The following SLC25A26 variants were observed in gnomAD, a reference collection of about 807,000 sequenced individuals.
The protein encoded by SLC25A26 is mitochondrial S-adenosylmethionine carrier protein.
Under a neutral mutation model 37.8 loss-of-function variants are expected in SLC25A26, and 36 were observed. The observed-to-expected ratio is 0.95, with a 90% CI of 0.73 to 1.26. SLC25A26 has a LOEUF of 1.26. Ranked by LOEUF, SLC25A26 falls within the 50% of genes most tolerant of loss-of-function variation. The pLI, the probability that SLC25A26 is intolerant of heterozygous loss-of-function variation, is 0.00. For missense variants in SLC25A26, 390 were observed against 331.1 expected (o/e 1.18, Z -1.38); for synonymous variants, 129 against 122.5 (o/e 1.05, Z -0.35).
intron 5 of SLC25A26, among the ~76,000 whole-genome samples, chr3:66,270,646 A>G (rs2073926784): frequency 6.6e-6 from 1 of 152,194 alleles, no homozygotes; most frequent in Non-Finnish European, 1.5e-5. Context: ...ACATTATTAT[A>G]ACTTTACCGT....
chr3:66,134,629 T>C (rs1019419017), intron 1 of SLC25A26, among the ~76,000 whole-genome samples: 1 of 152,148 alleles, frequency 6.6e-6, no homozygotes, highest in Non-Finnish European at 1.5e-5. Context: ...AAACAGTACT[T>C]TTTGTTATTG....
chr3:66,175,118 TATATATATATATATATATATATAC>T (rs2070561162), intron 1 of SLC25A26, among the ~76,000 whole-genome samples: 2 of 84,228 alleles, frequency 2.4e-5, no homozygotes, highest in African/African-American at 4.8e-5. Context: ...TGTATATATA[TATATATATATATATATATATATAC>T]ACACACACAC....
At chr3:66,308,142 G>GT (rs1379248943) in intron 5 of SLC25A26, among the ~76,000 whole-genome samples, 4 of 152,140 alleles carry the variant, frequency 2.6e-5, no homozygotes, top group Admixed American at 1.3e-4. Context: ...AGCATGGAGT[G>GT]TTTTTCCATT....
At chr3:66,276,493 A>G (rs1024417468) in intron 5 of SLC25A26, among the ~76,000 whole-genome samples, 1 of 152,128 alleles carries the variant, frequency 6.6e-6, no homozygotes, top group African/African-American at 2.4e-5. Context: ...AGGATTCTAA[A>G]GGATAGAAAT....
intron 1 of SLC25A26, among the ~76,000 whole-genome samples, chr3:66,186,782 C>T (rs1399990604): frequency 6.6e-6 from 1 of 151,984 alleles, no homozygotes; most frequent in African/African-American, 2.4e-5. Flanking sequence ...TGACACTCAA[C>T]CTGACTTTGA....
intron 1 of SLC25A26, among the ~76,000 whole-genome samples, chr3:66,188,040 C>T (rs2070864051): frequency 6.6e-6 from 1 of 152,108 alleles, no homozygotes; most frequent in African/African-American, 2.4e-5. Flanking sequence ...ACCCTATCCT[C>T]ATGATCATCT....
chr3:66,304,374 C>G (rs1559677902), intron 5 of SLC25A26: 2 of 453,206 alleles, frequency 4.4e-6, no homozygotes. Flanking sequence ...CATATCTAAG[C>G]TAATATCTTC....
chr3:66,346,418 T>C lies in SLC25A26; in HGVS notation c.498+10T>C. The C allele has an allele frequency of 2.1e-6, 3 of 1,436,058 alleles. No homozygotes were observed. Among genetic ancestry groups the C allele is most frequent in the Non-Finnish European group, 2.8e-6 (3 of 1,068,452 alleles). 89.0% of individuals were successfully genotyped at this position (1,436,058 alleles called of 1,614,324 possible). A position where few individuals can be genotyped will look rare whatever the true frequency, so the allele number is the denominator to read the frequency against. On this transcript the variant is annotated intron_variant, in intron 6 of 9. Coordinates refer to ENST00000354883, the MANE Select transcript of SLC25A26 (RefSeq NM_001379210.1). ...ATGGGAGTCCTTAAAAGTAAGTTTC[T>C]CAGTCTTCACATAAAATTTGTCTCT...
At chr3:66,174,853 A>G (rs988000322) in intron 1 of SLC25A26, among the ~76,000 whole-genome samples, 1 of 151,488 alleles carries the variant, frequency 6.6e-6, no homozygotes, top group African/African-American at 2.4e-5. Flanking sequence ...AAATATTGCT[A>G]TGCAGAGGAT....
At chr3:66,323,467 G>A (rs1387803470) in intron 5 of SLC25A26, among the ~76,000 whole-genome samples, 1 of 152,168 alleles carries the variant, frequency 6.6e-6, no homozygotes, top group East Asian at 1.9e-4. Flanking sequence ...CATAGAGCTG[G>A]GTAAATGGGA....
chr3:66,310,271 T>C (rs1049335083), intron 5 of SLC25A26, among the ~76,000 whole-genome samples: 10 of 152,234 alleles, frequency 6.6e-5, no homozygotes, highest in Non-Finnish European at 1.5e-4. Flanking sequence ...CTTTGTCTTT[T>C]TTGATGTTTG....
At chr3:66,177,869 G>T (rs1241844559) in intron 1 of SLC25A26, among the ~76,000 whole-genome samples, 1 of 152,190 alleles carries the variant, frequency 6.6e-6, no homozygotes, top group Non-Finnish European at 1.5e-5. Context: ...CACCCAGAAA[G>T]GTGTTGACTT....
intron 5 of SLC25A26, among the ~76,000 whole-genome samples, chr3:66,337,955 T>C (rs1182630163): frequency 6.6e-6 from 1 of 152,082 alleles, no homozygotes; most frequent in Admixed American, 6.5e-5. Context: ...ATGTACACTT[T>C]TGACAAATGT....
intron 1 of SLC25A26, among the ~76,000 whole-genome samples, chr3:66,163,323 G>T (rs1427047735): frequency 2.0e-5 from 3 of 152,146 alleles, no homozygotes; most frequent in African/African-American, 7.2e-5. Flanking sequence ...AGATAGACGT[G>T]TTGCAGAGAA....
At chr3:66,198,205 C>T (rs1219759301) in intron 1 of SLC25A26, among the ~76,000 whole-genome samples, 1 of 151,958 alleles carries the variant, frequency 6.6e-6, no homozygotes, top group Non-Finnish European at 1.5e-5. Flanking sequence ...AGGGTGTTTT[C>T]AGAACAGGAT....
intron 1 of SLC25A26, among the ~76,000 whole-genome samples, chr3:66,212,764 T>C (rs879125224): frequency 0.03 from 4,499 of 152,276 alleles, 255 homozygotes; most frequent in Admixed American, 0.14. Flanking sequence ...CTGGCTTATT[T>C]TGCTTAGCAT....
chr3:66,170,788 A>ATTGTT (rs1482297520), intron 1 of SLC25A26, among the ~76,000 whole-genome samples: 1 of 56,426 alleles, frequency 1.8e-5, no homozygotes, highest in African/African-American at 6.8e-5. Context: ...AGATGTGATT[A>ATTGTT]TTGTTTTTTT....
At chr3:66,136,520 T>A (rs189479340) in intron 1 of SLC25A26, among the ~76,000 whole-genome samples, 1 of 152,368 alleles carries the variant, frequency 6.6e-6, no homozygotes, top group East Asian at 1.9e-4. Flanking sequence ...GTATTCTAAC[T>A]CATTGCACTG....
chr3:66,194,133 T>C (rs1387218828), intron 1 of SLC25A26, among the ~76,000 whole-genome samples: 2 of 152,362 alleles, frequency 1.3e-5, no homozygotes, highest in African/African-American at 4.8e-5. Flanking sequence ...CCTGATAAAC[T>C]GCCAAGGTGG....
Sources: gnomAD v4.1 joint callset for allele counts (sites outside exome capture counted in the v4.1 genomes callset) on GRCh38, gnomAD v4.1.1 for gene constraint, MANE v1.5 for transcripts, NCBI Gene and HGNC (gene_info 2026-07-23, HGNC 2026-07-21) for gene names.